MINDY4: variants seen among roughly 807,000 people sequenced by gnomAD.
MINDY4 encodes the protein probable ubiquitin carboxyl-terminal hydrolase MINDY-4.
MINDY4 carries 68 observed loss-of-function variants against 87.0 expected under a neutral mutation model. That is an observed-to-expected ratio of 0.78 (90% CI 0.64 to 0.96). The LOEUF (loss-of-function observed/expected upper bound fraction) is 0.96, where lower values mean the gene tolerates loss of function less well. Among genes scored for constraint, MINDY4 ranks in the 40% least tolerant of loss-of-function variants. The probability of loss-of-function intolerance (pLI) is 0.00; values close to 1 mark genes in which losing one functional copy is unlikely to be tolerated. For missense variants in MINDY4, 919 were observed against 928.2 expected (o/e 0.99, Z 0.13); for synonymous variants, 379 against 363.2 (o/e 1.04, Z -0.50).
chr7:30,886,189 G>A (rs778354988), intron 17 of MINDY4, among the ~76,000 whole-genome samples: 22 of 152,104 alleles, frequency 1.4e-4, no homozygotes, highest in Non-Finnish European at 2.9e-4. Context: ...CATCTTGCTC[G>A]GTAGGTGGGG....
intron 4 of MINDY4, among the ~76,000 whole-genome samples, chr7:30,789,184 G>A (rs1203055142): frequency 1.3e-5 from 2 of 150,402 alleles, no homozygotes; most frequent in African/African-American, 2.5e-5. Context: ...CCAGAGAGGA[G>A]CGCCAGGGTC....
At chr7:30,808,178 G>A (rs189367654) in intron 5 of MINDY4, among the ~76,000 whole-genome samples, 8 of 152,302 alleles carry the variant, frequency 5.3e-5, no homozygotes, top group South Asian at 2.1e-4. Flanking sequence ...GCAGGCCCCC[G>A]TGGAGGATCA....
intron 1 of MINDY4, among the ~76,000 whole-genome samples, chr7:30,776,648 C>G (rs950076415): frequency 6.6e-6 from 1 of 152,218 alleles, no homozygotes; most frequent in Non-Finnish European, 1.5e-5. Flanking sequence ...GATAGGGAAA[C>G]TGGGACAGGA....
intron 13 of MINDY4, 103 bp from the exon 14 acceptor site, chr7:30,872,140 C>A: frequency 1.9e-6 from 2 of 1,080,850 alleles, no homozygotes; most frequent in Non-Finnish European, 2.8e-6. Flanking sequence ...ATCTGGAATT[C>A]TGGGTCTTAG....
At chr7:30,874,688 A>G (rs1464217259) in intron 14 of MINDY4, among the ~76,000 whole-genome samples, 2 of 152,200 alleles carry the variant, frequency 1.3e-5, no homozygotes, top group Non-Finnish European at 2.9e-5. Flanking sequence ...GCTAGAACTC[A>G]TACTTGGGCT....
intron 5 of MINDY4, among the ~76,000 whole-genome samples, chr7:30,821,498 C>CT (rs1369688687): frequency 3.3e-5 from 5 of 152,110 alleles, no homozygotes; most frequent in Non-Finnish European, 5.9e-5. Context: ...TGCCTTTTGT[C>CT]TAAGATTTTT....
At chr7:30,772,502 G>A (rs1166953119) in intron 1 of MINDY4, among the ~76,000 whole-genome samples, 1 of 152,034 alleles carries the variant, frequency 6.6e-6, no homozygotes, top group Non-Finnish European at 1.5e-5. Flanking sequence ...TTTATAATGA[G>A]GATTAATATT....
intron 3 of MINDY4, 103 bp from the exon 4 acceptor site, chr7:30,785,646 T>C (rs1246757315): frequency 1.5e-6 from 2 of 1,370,554 alleles, no homozygotes; most frequent in East Asian, 4.6e-5. Flanking sequence ...CATAGATTTA[T>C]TAATGGGCTT....
chr7:30,811,819 C>T (rs930107266), intron 5 of MINDY4, among the ~76,000 whole-genome samples: 7 of 152,168 alleles, frequency 4.6e-5, no homozygotes, highest in African/African-American at 7.2e-5. Flanking sequence ...CCCTCTCATG[C>T]GGACTCCCTT....
chr7:30,860,066 A>C (rs982495793), intron 13 of MINDY4, among the ~76,000 whole-genome samples: 19 of 152,130 alleles, frequency 1.2e-4, no homozygotes, highest in Non-Finnish European at 2.5e-4. Context: ...TTCACTTTCA[A>C]GCAGAGGACA....
At chr7:30,807,199 A>G (rs948244989) in intron 5 of MINDY4, among the ~76,000 whole-genome samples, 1 of 152,042 alleles carries the variant, frequency 6.6e-6, no homozygotes, top group Non-Finnish European at 1.5e-5. Flanking sequence ...TTTCATGTCC[A>G]CCTCCTCATG....
At chr7:30,866,300 G>A (rs546044834) in intron 13 of MINDY4, among the ~76,000 whole-genome samples, 1 of 152,328 alleles carries the variant, frequency 6.6e-6, no homozygotes, top group Non-Finnish European at 1.5e-5. Context: ...GCCTCAGAAG[G>A]AGGGAGAGGT....
At chr7:30,884,242 G>A (rs1790563632) in intron 17 of MINDY4, among the ~76,000 whole-genome samples, 1 of 152,188 alleles carries the variant, frequency 6.6e-6, no homozygotes, top group African/African-American at 2.4e-5. Context: ...GAAACACCAG[G>A]AAGGGGAAAT....
chr7:30,864,674 A>G (rs1392217976), intron 13 of MINDY4, among the ~76,000 whole-genome samples: 1 of 152,362 alleles, frequency 6.6e-6, no homozygotes, highest in Non-Finnish European at 1.5e-5. Flanking sequence ...ACCATCACAT[A>G]TATATGGACA....
chr7:30,850,610 G>A (rs540175147), intron 10 of MINDY4, 55 bp downstream of exon 10: 122 of 1,471,080 alleles, frequency 8.3e-5, no homozygotes, highest in African/African-American at 7.8e-4. Flanking sequence ...GGCAGCTGCC[G>A]GCAAGCTGGC....
chr7:30,791,035 G>T, intron 4 of MINDY4, 130 bp from the exon 5 acceptor site: 1 of 942,294 alleles, frequency 1.1e-6, no homozygotes, highest in East Asian at 2.4e-5. Context: ...GATTTTAAGG[G>T]AAAGAGTCCG....
chr7:30,873,738 T>G (rs1283774369), intron 14 of MINDY4, among the ~76,000 whole-genome samples: 1 of 152,160 alleles, frequency 6.6e-6, no homozygotes, highest in Non-Finnish European at 1.5e-5. Flanking sequence ...GAGGAAGATT[T>G]TAGACACAGA....
chr7:30,870,278 A>G (rs1186400751), intron 13 of MINDY4, among the ~76,000 whole-genome samples: 2 of 152,236 alleles, frequency 1.3e-5, no homozygotes, highest in Non-Finnish European at 2.9e-5. Flanking sequence ...TCCAGGTGGC[A>G]TAGGGCCAGT....
intron 5 of MINDY4, among the ~76,000 whole-genome samples, chr7:30,797,106 G>A (rs1163054327): frequency 6.6e-6 from 1 of 152,144 alleles, no homozygotes; most frequent in Non-Finnish European, 1.5e-5. Context: ...TTTATACCAT[G>A]GAGATTGGCA....
Sources: gnomAD v4.1 joint callset for allele counts (sites outside exome capture counted in the v4.1 genomes callset) on GRCh38, gnomAD v4.1.1 for gene constraint, MANE v1.5 for transcripts, NCBI Gene and HGNC (gene_info 2026-07-23, HGNC 2026-07-21) for gene names.